The following SCN1A variants were observed in gnomAD, a reference collection of about 807,000 sequenced individuals.
The protein encoded by SCN1A is sodium channel protein type 1 subunit alpha.
Under a neutral mutation model 193.7 loss-of-function variants are expected in SCN1A, and 13 were observed. That is an observed-to-expected ratio of 0.07 (90% CI 0.04 to 0.11). The LOEUF (loss-of-function observed/expected upper bound fraction) is 0.11, where lower values mean the gene tolerates loss of function less well. Among genes scored for constraint, SCN1A ranks in the 10% least tolerant of loss-of-function variants. SCN1A has a pLI of 1.00. For missense variants in SCN1A, 1,432 were observed against 2,451.1 expected, an observed-to-expected ratio of 0.58 and a Z score of 8.78; for synonymous variants, 781 against 843.6, an observed-to-expected ratio of 0.93 and a Z score of 1.29.
In SCN1A at chr2:165,994,328, G is replaced by A. The variant is rs1689709029; in HGVS notation, c.4670C>T (p.Thr1557Ile). ...IMILICLNMV[T>I]MMVETDDQSE... ...CTGGTCATCTGTTTCCACCATCATT[G>A]TGACCATGTTAAGACAGATGAGAAT... Residue 1557 changes from threonine to isoleucine, a missense_variant, in exon 28 of 29, where the codon ACA becomes ATA. This residue lies in a region of SCN1A where 85 missense variants were observed against 119.1 expected (regional missense o/e 0.71). Transcript: ENST00000674923. 1.9e-6 allele frequency: 3 copies of A among 1,612,978 alleles called. No homozygotes were observed. Among genetic ancestry groups the A allele is most frequent in the South Asian group, 1.1e-5 (1 of 91,058 alleles).
At chr2:166,066,397 T>G (rs966688432) in intron 4 of SCN1A, among the ~76,000 whole-genome samples, 2 of 152,136 alleles carry the variant, frequency 1.3e-5, no homozygotes, top group African/African-American at 4.8e-5. Flanking sequence ...TCCCCTCAAT[T>G]TCTCCATCTC....
chr2:166,118,302 CTTTT>C lies in SCN1A; in HGVS notation c.-142+8618_-142+8621del, dbSNP rs61002916. On this transcript the variant is annotated intron_variant, in intron 2 of 28. Transcript: ENST00000674923. ...TTGCTTACTGATTTCTATTTAGTTT[CTTTT>C]TTTTTTTTTTTTTTTTTTTTTTTTG... Among the ~76,000 whole-genome samples, 333 of 81,108 alleles carry C rather than the reference CTTTT, an allele frequency of 4.1e-3. 53 individuals carry two copies. Among genetic ancestry groups the C allele is most frequent in the African/African-American group, 0.015 (297 of 19,786 alleles). The allele number at this position is 81,108 out of a possible 152,430, so 53.2% of individuals were successfully genotyped here.
chr2:166,130,961 T>G (rs1396434250), upstream of SCN1A, among the ~76,000 whole-genome samples: 2 of 152,188 alleles, frequency 1.3e-5, no homozygotes, highest in African/African-American at 4.8e-5. Flanking sequence ...CTACCCTATG[T>G]CACTACTACA....
At position 166,052,068 on chromosome 2, in the gene SCN1A, T is replaced by C. The variant is rs756723525; in HGVS notation, c.695-80A>G. On this transcript the variant is annotated intron_variant, in intron 8 of 28. Transcript: ENST00000674923. Reference sequence around the variant, plus strand: ...GCTTCACACAATTTTCTTGAAAACATAGATTTCATTCATAAATCCAAGAAT... The same window carrying C: ...GCTTCACACAATTTTCTTGAAAACACAGATTTCATTCATAAATCCAAGAAT... The C allele has an allele frequency of 2.8e-4, 372 of 1,322,094 alleles. 1 individual carries two copies. The highest frequency in any genetic ancestry group is 3.6e-4 in the Non-Finnish European group (346 of 949,690). The allele number at this position is 1,322,094 out of a possible 1,614,324, so 81.9% of individuals were successfully genotyped here.
intron 2 of SCN1A, among the ~76,000 whole-genome samples, chr2:166,102,292 C>T (rs1436929366): frequency 6.6e-6 from 1 of 151,872 alleles, no homozygotes; most frequent in Non-Finnish European, 1.5e-5. Flanking sequence ...GTCAGGATAT[C>T]GAGACCATCC....
At position 166,117,702 on chromosome 2, in the gene SCN1A, T is replaced by C. The variant is rs1331841041; in HGVS notation, c.-142+9222A>G. Among the ~76,000 whole-genome samples the C allele has an allele frequency of 2.0e-5, 3 of 152,158 alleles. No individual in the cohort carries two copies. In the East Asian group the frequency reaches 5.8e-4, roughly 29 times the overall value. ...TTTGAAAATAACTGCTAAAATCACA[T>C]TAAGAATTTTTTGGCCGGGCACGGA... On this transcript the variant is annotated intron_variant, in intron 2 of 28. Coordinates refer to ENST00000674923, the MANE Select transcript of SCN1A (RefSeq NM_001165963.4).
intron 23 of SCN1A, among the ~76,000 whole-genome samples, chr2:166,006,711 A>G (rs905947209): frequency 1.3e-5 from 2 of 151,362 alleles, no homozygotes; most frequent in African/African-American, 4.8e-5. Flanking sequence ...AAAAAATGAG[A>G]GTGGTCACAA....
chr2:166,004,030 A>T (rs1691310395), intron 23 of SCN1A, among the ~76,000 whole-genome samples: 1 of 151,618 alleles, frequency 6.6e-6, no homozygotes, highest in Non-Finnish European at 1.5e-5. Flanking sequence ...GGGGATGAGT[A>T]TGAAAAATTA....
chr2:166,084,192 C>A (rs925782734), intron 2 of SCN1A, among the ~76,000 whole-genome samples: 3 of 151,796 alleles, frequency 2.0e-5, no homozygotes, highest in Non-Finnish European at 4.4e-5. Context: ...TCTTTTCTCT[C>A]CCAGCTCTCC....
chr2:166,070,589 A>AC (rs1443703684), intron 4 of SCN1A, among the ~76,000 whole-genome samples: 1 of 152,124 alleles, frequency 6.6e-6, no homozygotes, highest in African/African-American at 2.4e-5. Flanking sequence ...TTGGCCTTTC[A>AC]CCCTCAGTTT....
intron 9 of SCN1A, among the ~76,000 whole-genome samples, chr2:166,050,877 A>T (rs10221756): frequency 1.3e-5 from 2 of 150,922 alleles, no homozygotes; most frequent in Admixed American, 6.6e-5. Flanking sequence ...ATTTACTTTT[A>T]GGTATCACTT....
At chr2:166,145,611 T>C (rs1430639035) in intron 1 of SCN1A, among the ~76,000 whole-genome samples, 1 of 152,068 alleles carries the variant, frequency 6.6e-6, no homozygotes, top group East Asian at 1.9e-4. Context: ...CGAGAAAATG[T>C]CTGTACTAAA....
chr2:166,074,205 G>T (rs899522467), intron 3 of SCN1A, among the ~76,000 whole-genome samples: 1 of 152,130 alleles, frequency 6.6e-6, no homozygotes, highest in African/African-American at 2.4e-5. Flanking sequence ...CCTCTTCTAA[G>T]ATTTGAGACA....
At chr2:166,086,813 TAA>T (rs902284568) in intron 2 of SCN1A, among the ~76,000 whole-genome samples, 1 of 152,192 alleles carries the variant, frequency 6.6e-6, no homozygotes, top group African/African-American at 2.4e-5. Flanking sequence ...TGGTCTGGGT[TAA>T]AGAGACCCTC....
chr2:166,139,258 G>C (rs772951134), intron 1 of SCN1A, among the ~76,000 whole-genome samples: 29 of 152,164 alleles, frequency 1.9e-4, no homozygotes, highest in Non-Finnish European at 4.0e-4. Flanking sequence ...CATGAGATTT[G>C]GGAGGGGCCA....
At chr2:166,106,409 G>A (rs1449584984) in intron 2 of SCN1A, among the ~76,000 whole-genome samples, 1 of 152,120 alleles carries the variant, frequency 6.6e-6, no homozygotes, top group Non-Finnish European at 1.5e-5. Flanking sequence ...ATTGGGAAAA[G>A]TGTGGTGGAA....
At chr2:166,012,933 G>A (rs1289800583) in intron 21 of SCN1A, among the ~76,000 whole-genome samples, 1 of 151,100 alleles carries the variant, frequency 6.6e-6, no homozygotes, top group East Asian at 1.9e-4. Flanking sequence ...AAAGTAGCGT[G>A]TAGAAAATAT....
intron 2 of SCN1A, among the ~76,000 whole-genome samples, chr2:166,097,515 C>T (rs1437989396): frequency 1.3e-5 from 2 of 152,034 alleles, no homozygotes; most frequent in African/African-American, 4.8e-5. Context: ...AATGCTTATA[C>T]GTGAGATTAT....
chr2:166,120,596 C>CTTTTTT (rs57044851), intron 2 of SCN1A, among the ~76,000 whole-genome samples: 35 of 72,478 alleles, frequency 4.8e-4, no homozygotes, highest in Admixed American at 7.0e-4. Flanking sequence ...TTTCTTTTCT[C>CTTTTTT]TTTTTTTTTT....
Sources: allele counts gnomAD v4.1 joint callset (sites outside exome capture counted in the v4.1 genomes callset), GRCh38; gene constraint gnomAD v4.1.1; regional missense constraint gnomAD v4.1.1; transcripts MANE v1.5; gene names NCBI Gene and HGNC (gene_info 2026-07-23, HGNC 2026-07-21).